Variants in MGMT observed in about 807,000 individuals in gnomAD.
MGMT encodes the protein methylated-DNA--protein-cysteine methyltransferase.
In MGMT, 14 loss-of-function variants were observed where a neutral mutation model predicts 15.9. That is an observed-to-expected ratio of 0.88 (90% confidence interval 0.58 to 1.37). MGMT has a LOEUF of 1.37. Among genes scored for constraint, MGMT ranks in the 40% most tolerant of loss-of-function variants. The probability of loss-of-function intolerance (pLI) is 0.00; values close to 1 mark genes in which losing one functional copy is unlikely to be tolerated. For missense variants in MGMT, 282 were observed against 268.1 expected (o/e 1.05, Z -0.36); for synonymous variants, 130 against 118.2 (o/e 1.10, Z -0.65).
intron 1 of MGMT, among the ~76,000 whole-genome samples, chr10:129,469,417 A>AT (rs1845205710): frequency 2.0e-5 from 3 of 152,114 alleles, no homozygotes; most frequent in African/African-American, 7.2e-5. Flanking sequence ...GCAAAACTGA[A>AT]TTTTCTGCAT....
At chr10:129,500,077 T>C (rs1023434403) in intron 1 of MGMT, among the ~76,000 whole-genome samples, 1 of 152,234 alleles carries the variant, frequency 6.6e-6, no homozygotes, top group African/African-American at 2.4e-5. Context: ...TTCCTTTTCC[T>C]TACACTCTTT....
At chr10:129,760,176 C>CG (rs1564787296) in intron 4 of MGMT, among the ~76,000 whole-genome samples, 1 of 152,206 alleles carries the variant, frequency 6.6e-6, no homozygotes, top group Non-Finnish European at 1.5e-5. Context: ...AGCTGGGCCG[C>CG]GGGCCATCTG....
chr10:129,564,321 C>CTCCTCTT (rs1460497987), intron 2 of MGMT, among the ~76,000 whole-genome samples: 1 of 39,820 alleles, frequency 2.5e-5, no homozygotes, highest in Non-Finnish European at 5.3e-5. Flanking sequence ...CTCCTTCCTC[C>CTCCTCTT]CCCCTCTTTC....
chr10:129,535,805 T>C (rs892503663), intron 1 of MGMT, among the ~76,000 whole-genome samples: 1 of 152,260 alleles, frequency 6.6e-6, no homozygotes, highest in African/African-American at 2.4e-5. Flanking sequence ...ATTGCATACA[T>C]GCTTCATTCT....
chr10:129,750,690 TC>T (rs1337662339), intron 3 of MGMT, among the ~76,000 whole-genome samples: 1 of 152,130 alleles, frequency 6.6e-6, no homozygotes, highest in African/African-American at 2.4e-5. Context: ...CCATTTTATA[TC>T]AGGAACTTAA....
intron 2 of MGMT, among the ~76,000 whole-genome samples, chr10:129,578,376 A>C (rs374790427): frequency 3.9e-5 from 6 of 152,148 alleles, no homozygotes; most frequent in African/African-American, 4.8e-5. Context: ...AGTTCATGTC[A>C]TTTGTAGGGA....
intron 2 of MGMT, among the ~76,000 whole-genome samples, chr10:129,619,007 G>A (rs1202887769): frequency 6.6e-6 from 1 of 151,862 alleles, no homozygotes; most frequent in Non-Finnish European, 1.5e-5. Context: ...TACTGGCTAG[G>A]GTCTCCATAC....
chr10:129,554,556 A>G (rs1846192248), intron 2 of MGMT, among the ~76,000 whole-genome samples: 1 of 152,026 alleles, frequency 6.6e-6, no homozygotes, highest in Admixed American at 6.5e-5. Context: ...GCTGCAGTAA[A>G]CAGTCTCGAT....
intron 2 of MGMT, among the ~76,000 whole-genome samples, chr10:129,697,051 A>G (rs560409149): frequency 3.3e-4 from 50 of 152,266 alleles, no homozygotes; most frequent in African/African-American, 1.1e-3. Flanking sequence ...TTTAAGAGCA[A>G]TTGGGCAGCA....
At chr10:129,665,124 C>G (rs921098580) in intron 2 of MGMT, among the ~76,000 whole-genome samples, 4 of 151,454 alleles carry the variant, frequency 2.6e-5, no homozygotes, top group Non-Finnish European at 5.9e-5. Flanking sequence ...TACTCACCCA[C>G]CCATCCACTC....
At chr10:129,505,914 C>T (rs76505020) in intron 1 of MGMT, among the ~76,000 whole-genome samples, 8,935 of 151,526 alleles carry the variant, frequency 0.059, 873 homozygotes, top group African/African-American at 0.21. Flanking sequence ...TTGATCCCTT[C>T]GGTCAGGTGC....
chr10:129,733,628 C>T (rs1848527633), intron 3 of MGMT, among the ~76,000 whole-genome samples: 1 of 152,030 alleles, frequency 6.6e-6, no homozygotes, highest in Non-Finnish European at 1.5e-5. Flanking sequence ...ACATGAAGTC[C>T]TTGCCCATGC....
chr10:129,471,713 A>G (rs1254682974), intron 1 of MGMT, among the ~76,000 whole-genome samples: 1 of 152,188 alleles, frequency 6.6e-6, no homozygotes, highest in Non-Finnish European at 1.5e-5. Flanking sequence ...CTACAGGACC[A>G]GAACCTGGGG....
In MGMT at chr10:129,770,796, G is replaced by A. The variant is rs963586458; in HGVS notation, c.*3799G>A. 3.3e-5 allele frequency among the ~76,000 whole-genome samples: 5 copies of A among 152,182 alleles called. No homozygotes were observed. The highest frequency in any genetic ancestry group is 1.2e-4 in the African/African-American group (5 of 41,450). On this transcript the variant is annotated 3_prime_UTR_variant, in exon 5 of 5. Transcript: ENST00000651593. ...CGGCCACAGCTGCTGGGATGTCCTC[G>A]GGCCTCCCCTGTTTGTCTGCATGTC...
chr10:129,759,421 C>A lies in MGMT; in HGVS notation c.414+80C>A, dbSNP rs1035621817. On this transcript the variant is annotated intron_variant, in intron 4 of 4. Transcript: ENST00000651593. ...GGGTGTCATCTGATCCCACGTGTTTCCTCGGAAGGCAGGCTGTGCTGCTGG... is the reference window on the plus strand; with the variant it reads ...GGGTGTCATCTGATCCCACGTGTTTACTCGGAAGGCAGGCTGTGCTGCTGG... 3.1e-6 allele frequency: 5 copies of A among 1,593,934 alleles called. No individual in the cohort carries two copies. In the Admixed American group the frequency reaches 6.7e-5, roughly 21 times the overall value.
intron 2 of MGMT, among the ~76,000 whole-genome samples, chr10:129,589,155 G>A (rs1024233026): frequency 1.3e-5 from 2 of 152,260 alleles, no homozygotes; most frequent in African/African-American, 4.8e-5. Context: ...GGCTGAAGAA[G>A]CGGTATCCAA....
At chr10:129,553,707 G>C (rs1355878681) in intron 2 of MGMT, among the ~76,000 whole-genome samples, 1 of 152,206 alleles carries the variant, frequency 6.6e-6, no homozygotes, top group East Asian at 1.9e-4. Flanking sequence ...CACAAGGAGA[G>C]AGTGGTAGAA....
intron 1 of MGMT, among the ~76,000 whole-genome samples, chr10:129,502,342 G>A (rs1311767094): frequency 1.3e-5 from 2 of 152,120 alleles, no homozygotes; most frequent in South Asian, 2.1e-4. Context: ...ATGAGATAAC[G>A]CATGTAAAGC....
chr10:129,653,357 A>T (rs1847484798), intron 2 of MGMT, among the ~76,000 whole-genome samples: 1 of 152,226 alleles, frequency 6.6e-6, no homozygotes, highest in Non-Finnish European at 1.5e-5. Context: ...CCCCCTCAGG[A>T]TGGCCAGTAT....
Sources: gnomAD v4.1 joint callset for allele counts (sites outside exome capture counted in the v4.1 genomes callset) on GRCh38, gnomAD v4.1.1 for gene constraint, MANE v1.5 for transcripts, NCBI Gene and HGNC (gene_info 2026-07-23, HGNC 2026-07-21) for gene names.